Variants in LRIG2 observed in about 807,000 individuals in gnomAD.
The protein encoded by LRIG2 is leucine rich repeats and immunoglobulin like domains 2, also known as leucine-rich repeats and immunoglobulin-like domains protein 2.
In LRIG2, 93 loss-of-function variants were observed where a neutral mutation model predicts 107.8. The observed-to-expected ratio is 0.86, with a 90% CI of 0.73 to 1.03. The LOEUF is 1.03. LRIG2 is among the 50% of genes least tolerant of loss of function. The pLI, the probability that LRIG2 is intolerant of heterozygous loss-of-function variation, is 0.00. For missense variants in LRIG2, 1,226 were observed against 1,296.0 expected (o/e 0.95, Z 0.83); for synonymous variants, 471 against 470.6 (o/e 1.00, Z -0.01).
At chr1:113,122,006 C>T (rs986423536) in intron 17 of LRIG2, among the ~76,000 whole-genome samples, 1 of 149,674 alleles carries the variant, frequency 6.7e-6, no homozygotes, top group Non-Finnish European at 1.5e-5. Context: ...GCATTTACTA[C>T]TTCATGTCCC....
At chr1:113,084,213 C>CTTTTTTTTTTTTTTTTTTTTTTT (rs66711679) in intron 1 of LRIG2, among the ~76,000 whole-genome samples, 1 of 120,916 alleles carries the variant, frequency 8.3e-6, no homozygotes, top group Non-Finnish European at 1.6e-5. Flanking sequence ...TTACTTAATT[C>CTTTTTTTTTTTTTTTTTTTTTTT]TTTTTTTTTT....
chr1:113,082,259 AT>A (rs1475268837), intron 1 of LRIG2, among the ~76,000 whole-genome samples: 8 of 152,198 alleles, frequency 5.3e-5, no homozygotes, highest in Non-Finnish European at 2.9e-5. Context: ...TCTTCAAGAC[AT>A]TTTTGTTAGT....
chr1:113,099,028 C>T (rs184060868), intron 9 of LRIG2, among the ~76,000 whole-genome samples: 8 of 151,886 alleles, frequency 5.3e-5, no homozygotes, highest in African/African-American at 1.4e-4. Flanking sequence ...CCTCCTAGGT[C>T]CTGGTTCAAG....
At position 113,073,597 on chromosome 1, in the gene LRIG2, C is replaced by A. The variant is rs771090057; in HGVS notation, c.191C>A (p.Pro64Gln). ...TGCAGTCGCAGGAAATTGCCCGCAC[C>A]GAGCTGGAGGGCGCTGTCGGGCTTG... The part of the protein sequence containing the change: ...LDCSRRKLPA[P>Q]SWRALSGLLP... The change falls in exon 1 of 18, where the codon CCG (proline) becomes CAG (glutamine). Residue 64 changes from proline (P) to glutamine (Q), a missense_variant. Around this residue, in one of 3 missense-constraint regions of LRIG2, gnomAD observed 570 missense variants for 550.2 expected, o/e 1.04. Transcript: ENST00000361127. The A allele has an allele frequency of 6.2e-7, 1 of 1,613,802 alleles. No individual in the cohort carries two copies. The highest frequency in any genetic ancestry group is 8.5e-7 in the Non-Finnish European group (1 of 1,179,980).
Position 113,125,725 on chromosome 1 carries a change from GC to G in LRIG2, c.*1625del, listed in dbSNP as rs1284605547. The G allele has an allele frequency of 6.6e-6, 1 of 152,144 alleles. No homozygotes were observed. The highest frequency in any genetic ancestry group is 1.5e-5 in the Non-Finnish European group (1 of 68,028). The allele number at this position is 152,144 out of a possible 1,614,324, so 9.4% of individuals were successfully genotyped here. A position where few individuals can be genotyped will look rare whatever the true frequency, so the allele number is the denominator to read the frequency against. On this transcript the variant is annotated 3_prime_UTR_variant, in exon 18 of 18. Coordinates refer to ENST00000361127, the MANE Select transcript of LRIG2 (RefSeq NM_014813.3). ...TGCCATGTTCTGACTGGGGTGAGCC[GC>G]TAGGATACAAATCACTATCACTGTC...
At chr1:113,104,132 G>T (rs990220845) in intron 11 of LRIG2, among the ~76,000 whole-genome samples, 1 of 152,204 alleles carries the variant, frequency 6.6e-6, no homozygotes, top group Non-Finnish European at 1.5e-5. Context: ...TCCCCAGACT[G>T]CATCCTGTAA....
Position 113,129,519 on chromosome 1 carries a change from G to A in LRIG2, c.*5418G>A, listed in dbSNP as rs546193040. The A allele has an allele frequency of 1.0e-4, 15 of 149,738 alleles. No individual in the cohort carries two copies. Among genetic ancestry groups the A allele is most frequent in the Admixed American group, 3.4e-4 (5 of 14,770 alleles). The allele number at this position is 149,738 out of a possible 1,614,324, so 9.3% of individuals were successfully genotyped here. A position where few individuals can be genotyped will look rare whatever the true frequency, so the allele number is the denominator to read the frequency against. On this transcript the variant is annotated 3_prime_UTR_variant, in exon 18 of 18. Transcript: ENST00000361127. ...ATTTAAATGTGAAGAGCCTATCTCT[G>A]GTCTTTAAATAAACACACACACACA...
chr1:113,114,707 C>G lies in LRIG2; in HGVS notation c.2361C>G (p.Pro787=), dbSNP rs149421108. 4.3e-6 allele frequency: 7 copies of G among 1,614,116 alleles called. No individual in the cohort carries two copies. In the African/African-American group the frequency reaches 6.7e-5, roughly 15 times the overall value. ...GHIYLNVISS[P]NCDSSQSSIG... is the part of the protein sequence containing the mutation. ...TTTACCTAAATGTCATTTCATCCCC[C>G]AATTGTGACTCTTCCCAGAGTAGCA... Residue 787 remains proline (P), a synonymous_variant, in exon 15 of 18, where the codon CCC becomes CCG. Transcript: ENST00000361127.
At chr1:113,111,936 G>A (rs1654790456) in intron 13 of LRIG2, among the ~76,000 whole-genome samples, 1 of 152,026 alleles carries the variant, frequency 6.6e-6, no homozygotes, top group Admixed American at 6.6e-5. Flanking sequence ...GCCTCCCAGG[G>A]AAGCATCATT....
intron 13 of LRIG2, 73 bp from the exon 14 acceptor site, chr1:113,112,406 C>T: frequency 7.3e-7 from 1 of 1,367,792 alleles, no homozygotes; most frequent in South Asian, 1.4e-5. Flanking sequence ...TAGATTCTTT[C>T]ATGCCTATTT....
At chr1:113,095,383 CT>C (rs1654011573) in intron 6 of LRIG2, among the ~76,000 whole-genome samples, 1 of 152,050 alleles carries the variant, frequency 6.6e-6, no homozygotes, top group Admixed American at 6.6e-5. Flanking sequence ...TTTAGACAGT[CT>C]TACTACCTTC....
intron 16 of LRIG2, among the ~76,000 whole-genome samples, chr1:113,118,407 T>C (rs542756810): frequency 4.9e-4 from 74 of 152,360 alleles, no homozygotes; most frequent in African/African-American, 1.6e-3. Flanking sequence ...CTTGTAGCAA[T>C]TGGTGTTACT....
At chr1:113,083,296 T>C (rs1653373780) in intron 1 of LRIG2, among the ~76,000 whole-genome samples, 1 of 137,346 alleles carries the variant, frequency 7.3e-6, no homozygotes, top group Non-Finnish European at 1.5e-5. Context: ...CACCTCAGCC[T>C]CCCAAAGAGC....
rs773388429 is a variant in LRIG2, at chr1:113,098,740, A to G, written c.1127A>G (p.Glu376Gly). The G allele has an allele frequency of 3.4e-5, 55 of 1,613,050 alleles. No homozygotes were observed. In the East Asian group the frequency reaches 1.2e-3, roughly 35 times the overall value. The change falls in exon 9 of 18, where the codon GAA (glutamate) becomes GGA (glycine). Residue 376 changes from glutamate (E) to glycine (G), a missense_variant. This residue lies in a region of LRIG2 where 570 missense variants were observed against 550.2 expected (regional missense o/e 1.04). Coordinates refer to ENST00000361127, the MANE Select transcript of LRIG2 (RefSeq NM_014813.3). ...LRNNEISWAI[E>G]DASEAFAGLT... ...AACAATGAAATTTCATGGGCCATAG[A>G]AGATGCTAGTGAAGCCTTTGCTGGA...
At chr1:113,090,914 T>C (rs1653789916) in intron 1 of LRIG2, among the ~76,000 whole-genome samples, 1 of 151,346 alleles carries the variant, frequency 6.6e-6, no homozygotes, top group Admixed American at 6.6e-5. Flanking sequence ...TACAGTGACG[T>C]GAACTTGGCT....
rs192858675 is a variant in LRIG2, at chr1:113,095,650, G to A, written c.804-224G>A. Among the ~76,000 whole-genome samples the A allele has an allele frequency of 9.4e-4, 140 of 149,380 alleles. 1 individual carries two copies. The East Asian group carries it at 0.025, about 26-fold the overall frequency. On this transcript the variant is annotated intron_variant, in intron 6 of 17. Coordinates refer to ENST00000361127, the MANE Select transcript of LRIG2 (RefSeq NM_014813.3). ...TCTTGATCTTTTGACCTTGTGATCCGCCCACCTCGGCCTCCCAAAGTGCTG... is the reference window on the plus strand; with the variant it reads ...TCTTGATCTTTTGACCTTGTGATCCACCCACCTCGGCCTCCCAAAGTGCTG...
intron 17 of LRIG2, 144 bp from the exon 18 acceptor site, chr1:113,123,730 TG>T (rs769102886): frequency 0.15 from 56,150 of 365,256 alleles, 107 homozygotes; most frequent in East Asian, 0.26. Flanking sequence ...GTGGTTTTTG[TG>T]TGTGTGTGTG....
At chr1:113,123,676 T>G (rs921995706) in intron 17 of LRIG2, among the ~76,000 whole-genome samples, 199 bp from the exon 18 acceptor site, 2 of 150,206 alleles carry the variant, frequency 1.3e-5, no homozygotes, top group African/African-American at 2.5e-5. Flanking sequence ...AAATAATTGG[T>G]TAGGTTTGTG....
intron 4 of LRIG2, 103 bp from the exon 5 acceptor site, chr1:113,094,236 G>A (rs548936630): frequency 1.1e-4 from 81 of 729,410 alleles, no homozygotes; most frequent in Admixed American, 1.9e-4. Flanking sequence ...TGGGCATTAA[G>A]TGATAGAGCT....
Sources: gnomAD v4.1 joint callset for allele counts (sites outside exome capture counted in the v4.1 genomes callset) on GRCh38, gnomAD v4.1.1 for gene constraint, gnomAD v4.1.1 regional missense constraint, MANE v1.5 for transcripts, NCBI Gene and HGNC (gene_info 2026-07-23, HGNC 2026-07-21) for gene names.